SCHIP1: variants seen among roughly 807,000 people sequenced by gnomAD.
SCHIP1 encodes the protein schwannomin-interacting protein 1.
A neutral mutation model predicts 29.7 loss-of-function variants in SCHIP1; 8 were observed. The observed-to-expected ratio is 0.27, with a 90% CI of 0.16 to 0.49. The LOEUF (loss-of-function observed/expected upper bound fraction) is 0.49, where lower values mean the gene tolerates loss of function less well. Ranked by LOEUF, SCHIP1 falls within the 20% of genes least tolerant of loss-of-function variation. The pLI, the probability that SCHIP1 is intolerant of heterozygous loss-of-function variation, is 0.99. For synonymous variants in SCHIP1, 76 were observed against 94.9 expected (o/e 0.80, Z 1.16); for missense variants, 193 against 294.6 (o/e 0.66, Z 2.52).
exon 1 of SCHIP1, chr3:159,839,920 C>A (rs1021941526): frequency 7.8e-6 from 11 of 1,403,022 alleles, no homozygotes; most frequent in African/African-American, 7.4e-5. Context: ...CCCCCTCCCC[C>A]AGCCCGGTCC....
chr3:159,504,047 T>G, the SCHIP1 span, among the ~76,000 whole-genome samples: 2 of 152,206 alleles, frequency 1.3e-5, no homozygotes, highest in Admixed American at 6.5e-5. Context: ...CCAGAGGCTG[T>G]TAAGTATAAA....
chr3:159,633,545 T>C, the SCHIP1 span, among the ~76,000 whole-genome samples: 2 of 152,042 alleles, frequency 1.3e-5, no homozygotes, highest in South Asian at 4.1e-4. Context: ...AATTCAAAAA[T>C]TAAAATGACA....
the SCHIP1 span, among the ~76,000 whole-genome samples, chr3:159,772,382 G>A: frequency 2.0e-5 from 3 of 152,190 alleles, no homozygotes; most frequent in Non-Finnish European, 4.4e-5. Context: ...GACCTCAAGT[G>A]ATCCACCCGC....
the SCHIP1 span, among the ~76,000 whole-genome samples, chr3:159,830,807 A>C: frequency 2.0e-5 from 3 of 152,334 alleles, no homozygotes; most frequent in South Asian, 6.2e-4. Flanking sequence ...TGTTCAGATC[A>C]CACAGTTCTT....
the SCHIP1 span, among the ~76,000 whole-genome samples, chr3:159,353,339 T>TACAA: frequency 6.6e-6 from 1 of 152,080 alleles, no homozygotes; most frequent in Admixed American, 6.6e-5. Flanking sequence ...AAAAAGAGTT[T>TACAA]ACAAACACCC....
chr3:159,790,802 T>A, the SCHIP1 span, among the ~76,000 whole-genome samples: 1 of 152,268 alleles, frequency 6.6e-6, no homozygotes, highest in Non-Finnish European at 1.5e-5. Flanking sequence ...AGAAGCATTT[T>A]TTTCCCCTAA....
chr3:159,687,212 C>A, the SCHIP1 span, among the ~76,000 whole-genome samples: 1 of 152,064 alleles, frequency 6.6e-6, no homozygotes, highest in Non-Finnish European at 1.5e-5. Context: ...GAAAAATTCC[C>A]TCTACAATCA....
At chr3:159,420,582 G>A in the SCHIP1 span, among the ~76,000 whole-genome samples, 1 of 152,160 alleles carries the variant, frequency 6.6e-6, no homozygotes, top group Admixed American at 6.5e-5. Context: ...TTGAGAATAG[G>A]AGGGAAATTT....
chr3:159,859,996 C>CGTGT (rs1029854068), intron 1 of SCHIP1, among the ~76,000 whole-genome samples: 6 of 99,466 alleles, frequency 6.0e-5, no homozygotes, highest in Admixed American at 1.1e-4. Flanking sequence ...TGTGTGTGTG[C>CGTGT]GTGTGTGTGT....
chr3:159,628,661 T>G, the SCHIP1 span, among the ~76,000 whole-genome samples: 1 of 152,188 alleles, frequency 6.6e-6, no homozygotes, highest in Non-Finnish European at 1.5e-5. Flanking sequence ...GTATACCTGT[T>G]TATTTAAACC....
chr3:159,412,039 A>G, the SCHIP1 span, among the ~76,000 whole-genome samples: 1 of 152,214 alleles, frequency 6.6e-6, no homozygotes, highest in Non-Finnish European at 1.5e-5. Flanking sequence ...TTGTACCAGG[A>G]ATTGTGCTAA....
the SCHIP1 span, chr3:159,275,190 C>A: frequency 1.9e-6 from 1 of 538,796 alleles, no homozygotes. Flanking sequence ...ATTTAAAAGG[C>A]CTCAGTTTTT....
the SCHIP1 span, among the ~76,000 whole-genome samples, chr3:159,397,839 G>A: frequency 1.3e-5 from 2 of 152,234 alleles, no homozygotes; most frequent in Admixed American, 1.3e-4. Context: ...TCTTTGAGCT[G>A]TGGTGGGCTC....
the SCHIP1 span, among the ~76,000 whole-genome samples, chr3:159,662,948 A>G: frequency 6.6e-6 from 1 of 152,198 alleles, no homozygotes. Context: ...GCTTTAATCT[A>G]GATGTAGCAA....
chr3:159,456,595 T>A, the SCHIP1 span, among the ~76,000 whole-genome samples: 1 of 152,188 alleles, frequency 6.6e-6, no homozygotes, highest in African/African-American at 2.4e-5. Flanking sequence ...CTGCTCTAGA[T>A]CATTTGGGGG....
the SCHIP1 span, among the ~76,000 whole-genome samples, chr3:159,427,816 A>T: frequency 4.6e-5 from 7 of 152,336 alleles, no homozygotes; most frequent in African/African-American, 1.7e-4. Flanking sequence ...TACAGTAACC[A>T]AAACAGCATG....
the SCHIP1 span, among the ~76,000 whole-genome samples, chr3:159,791,688 G>C: frequency 2.0e-5 from 3 of 152,350 alleles, no homozygotes; most frequent in East Asian, 1.9e-4. Flanking sequence ...CTTAGCATCA[G>C]AGCAGAAGCC....
the SCHIP1 span, among the ~76,000 whole-genome samples, chr3:159,745,563 CT>C: frequency 6.6e-6 from 1 of 152,370 alleles, no homozygotes; most frequent in Non-Finnish European, 1.5e-5. Flanking sequence ...CCATTCCACC[CT>C]CAGCCCAAGT....
chr3:159,677,924 G>A, the SCHIP1 span, among the ~76,000 whole-genome samples: 1 of 152,096 alleles, frequency 6.6e-6, no homozygotes, highest in African/African-American at 2.4e-5. Context: ...TAACCTCGAA[G>A]TCACGGCCTC....
Sources: gnomAD v4.1 joint callset for allele counts (sites outside exome capture counted in the v4.1 genomes callset) on GRCh38, gnomAD v4.1.1 for gene constraint, MANE v1.5 for transcripts, NCBI Gene and HGNC (gene_info 2026-07-23, HGNC 2026-07-21) for gene names.